LIN28A: variants seen among roughly 807,000 people sequenced by gnomAD.
LIN28A encodes lin-28 RNA binding posttranscriptional regulator A.
In LIN28A, 11 loss-of-function variants were observed where a neutral mutation model predicts 21.1. The observed-to-expected ratio is 0.52, with a 90% CI of 0.33 to 0.86. The LOEUF (loss-of-function observed/expected upper bound fraction) is 0.86, where lower values mean the gene tolerates loss of function less well. Ranked by LOEUF, LIN28A falls within the 40% of genes least tolerant of loss-of-function variation. The probability of loss-of-function intolerance (pLI) is 0.03; values close to 1 mark genes in which losing one functional copy is unlikely to be tolerated. For synonymous variants in LIN28A, 111 were observed against 108.7 expected (o/e 1.02, Z -0.13); for missense variants, 219 against 279.8 (o/e 0.78, Z 1.55).
intron 2 of LIN28A, among the ~76,000 whole-genome samples, chr1:26,417,718 G>A (rs1050167010): frequency 2.0e-5 from 3 of 152,160 alleles, no homozygotes; most frequent in African/African-American, 4.8e-5. Flanking sequence ...GTTACAACAC[G>A]TAAAGTGGTT....
intron 3 of LIN28A, 104 bp from the exon 4 acceptor site, chr1:26,426,138 G>GT (rs2075057901): frequency 2.3e-6 from 2 of 860,888 alleles, no homozygotes; most frequent in Non-Finnish European, 3.8e-6. Context: ...GGGAAGGGAA[G>GT]TAAGTGACAA....
At position 26,426,223 on chromosome 1, in the gene LIN28A, C is replaced by A. The variant is rs148906748; in HGVS notation, c.414-19C>A. ...TTCTTGCTCCTTTCTCTTACTTTTA[C>A]GATCTTGCTTTGTACTAGGTGCTAC... On this transcript the variant is annotated intron_variant, in intron 3 of 3. Transcript: ENST00000326279. 2 of 1,604,058 alleles carry A rather than the reference C, an allele frequency of 1.2e-6. No individual in the cohort carries two copies. Among genetic ancestry groups the A allele is most frequent in the Admixed American group, 3.3e-5 (2 of 59,964 alleles).
chr1:26,423,804 C>G, intron 2 of LIN28A, among the ~76,000 whole-genome samples: 1 of 151,852 alleles, frequency 6.6e-6, no homozygotes, highest in Admixed American at 6.6e-5. Context: ...GCTCTGTCAC[C>G]CAGGCTGGAG....
chr1:26,420,743 C>T (rs933807880), intron 2 of LIN28A, among the ~76,000 whole-genome samples: 1 of 152,152 alleles, frequency 6.6e-6, no homozygotes, highest in Non-Finnish European at 1.5e-5. Flanking sequence ...CTCATGTTCC[C>T]TTGAGCCAGG....
In LIN28A at chr1:26,411,899, T is replaced by C. The variant is rs903260731; in HGVS notation, c.228+317T>C. Among the ~76,000 whole-genome samples, 1 of 152,096 alleles carries C rather than the reference T, an allele frequency of 6.6e-6. No homozygotes were observed. The highest frequency in any genetic ancestry group is 2.4e-5 in the African/African-American group (1 of 41,430). ...TGTGGCAGAAACTAAGGTTGTATTGTGCTTGCCGGTGGGGGGAGGGCGAGC... is the reference window on the plus strand; with the variant it reads ...TGTGGCAGAAACTAAGGTTGTATTGCGCTTGCCGGTGGGGGGAGGGCGAGC... On this transcript the variant is annotated intron_variant, in intron 2 of 3. Transcript: ENST00000326279. This position sits in a 1 kb window ranked among gnomAD's most constrained non-coding sequence, Gnocchi z 5.4.
Position 26,411,341 on chromosome 1 carries a change from G to A in LIN28A, c.32-45G>A. On this transcript the variant is annotated intron_variant, in intron 1 of 3. Transcript: ENST00000326279. This position sits in a 1 kb window ranked among gnomAD's most constrained non-coding sequence, Gnocchi z 5.4. ...TGCCTGGGGCCCGAGACGGCCCTCC[G>A]ATTCCGTGCCCCCCAGCTAAGTGCC... 6.7e-7 allele frequency: 1 copy of A among 1,485,048 alleles called. No individual in the cohort carries two copies. Among genetic ancestry groups the A allele is most frequent in the East Asian group, 2.5e-5 (1 of 40,194 alleles). 92.0% of individuals were successfully genotyped at this position (1,485,048 alleles called of 1,614,324 possible).
chr1:26,419,179 G>A (rs1441903614), intron 2 of LIN28A, among the ~76,000 whole-genome samples: 2 of 151,948 alleles, frequency 1.3e-5, no homozygotes, highest in African/African-American at 2.4e-5. Flanking sequence ...GCCCTGGGAG[G>A]CTGGCTCTGT....
At chr1:26,414,294 G>T (rs1036243797) in intron 2 of LIN28A, among the ~76,000 whole-genome samples, 2 of 151,602 alleles carry the variant, frequency 1.3e-5, no homozygotes, top group African/African-American at 4.8e-5. Flanking sequence ...GGCACCCTGG[G>T]GTTGGGGTGG....
chr1:26,426,699 C>A lies in LIN28A; in HGVS notation c.*241C>A. 1 of 488,534 alleles carries A rather than the reference C, an allele frequency of 2.0e-6. No homozygotes were observed. Among genetic ancestry groups the A allele is most frequent in the Non-Finnish European group, 3.8e-6 (1 of 265,882 alleles). 30.3% of individuals were successfully genotyped at this position (488,534 alleles called of 1,614,324 possible). The stretch of plus-strand genomic sequence containing the variant: ...GGGGGCAACCAGGAGGGGGGAATCA[C>A]CCTACAACCTGCATACTTTGAGTCT... On this transcript the variant is annotated 3_prime_UTR_variant, in exon 4 of 4. Coordinates refer to ENST00000326279, the MANE Select transcript of LIN28A (RefSeq NM_024674.6).
chr1:26,416,545 A>G (rs1394663907), intron 2 of LIN28A, among the ~76,000 whole-genome samples: 1 of 152,162 alleles, frequency 6.6e-6, no homozygotes, highest in African/African-American at 2.4e-5. Context: ...CCACATAGTC[A>G]GAGTGGGAGG....
At position 26,411,053 on chromosome 1, in the gene LIN28A, G is replaced by A; in HGVS notation, c.31+131G>A. 1 of 1,205,294 alleles carries A rather than the reference G, an allele frequency of 8.3e-7. No homozygotes were observed. The highest frequency in any genetic ancestry group is 1.1e-6 in the Non-Finnish European group (1 of 874,474). The allele number at this position is 1,205,294 out of a possible 1,614,324, so 74.7% of individuals were successfully genotyped here. On this transcript the variant is annotated intron_variant, in intron 1 of 3. Coordinates refer to ENST00000326279, the MANE Select transcript of LIN28A (RefSeq NM_024674.6). This position sits in a 1 kb window ranked among gnomAD's most constrained non-coding sequence, Gnocchi z 5.4. ...AGACGGTGCGGCCTTCTGCTTCATA[G>A]GGCCGTCTCTGGGGCCAGGAACCTT...
intron 2 of LIN28A, among the ~76,000 whole-genome samples, chr1:26,412,680 G>A (rs2074968158): frequency 6.6e-6 from 1 of 152,096 alleles, no homozygotes. Context: ...TAGGAGGTGT[G>A]GGGGAGGGGA....
chr1:26,423,696 G>A (rs546342363), intron 2 of LIN28A, among the ~76,000 whole-genome samples: 1 of 152,138 alleles, frequency 6.6e-6, no homozygotes, highest in Non-Finnish European at 1.5e-5. Flanking sequence ...ACAGGCATGA[G>A]CCATTGCGCA....
intron 2 of LIN28A, among the ~76,000 whole-genome samples, chr1:26,412,553 G>A (rs1165418753): frequency 6.6e-6 from 1 of 152,128 alleles, no homozygotes; most frequent in Non-Finnish European, 1.5e-5. Context: ...GCTGCCTATG[G>A]CCCTTCCATC....
intron 3 of LIN28A, among the ~76,000 whole-genome samples, chr1:26,426,040 A>T (rs1221216117): frequency 6.6e-6 from 1 of 152,174 alleles, no homozygotes; most frequent in African/African-American, 2.4e-5. Context: ...CATGAATCTG[A>T]AGAGATCACC....
At position 26,426,525 on chromosome 1, in the gene LIN28A, G is replaced by A. The variant is rs970116417; in HGVS notation, c.*67G>A. 1.5e-5 allele frequency: 19 copies of A among 1,296,778 alleles called. No homozygotes were observed. The African/African-American group carries it at 1.9e-4, about 13-fold the overall frequency. The allele number at this position is 1,296,778 out of a possible 1,614,324, so 80.3% of individuals were successfully genotyped here. On this transcript the variant is annotated 3_prime_UTR_variant, in exon 4 of 4. Transcript: ENST00000326279. Reference sequence around the variant, plus strand: ...TTGAGGAGCAGGCAGAGTGGAGAAAGTGGGAATAGGGTGCATTGGGGCTAG... The same window carrying A: ...TTGAGGAGCAGGCAGAGTGGAGAAAATGGGAATAGGGTGCATTGGGGCTAG...
At position 26,411,998 on chromosome 1, in the gene LIN28A, A is replaced by AG. The variant is rs1314350924; in HGVS notation, c.228+418dup. ...CTCCAACGTCTGAATGGAGCTCAGAAGGCGGGAGAGAGTGAGGGCAACTGG... is the reference window on the plus strand; with the variant it reads ...CTCCAACGTCTGAATGGAGCTCAGAAGGGCGGGAGAGAGTGAGGGCAACTGG... On this transcript the variant is annotated intron_variant, in intron 2 of 3. Transcript: ENST00000326279. This position sits in a 1 kb window ranked among gnomAD's most constrained non-coding sequence, Gnocchi z 5.4. Among the ~76,000 whole-genome samples the AG allele has an allele frequency of 6.6e-6, 1 of 152,236 alleles. No homozygotes were observed. The highest frequency in any genetic ancestry group is 6.5e-5 in the Admixed American group (1 of 15,284).
intron 2 of LIN28A, among the ~76,000 whole-genome samples, chr1:26,423,421 T>TTC (rs1312137804): frequency 1.6e-5 from 2 of 125,576 alleles, no homozygotes; most frequent in Admixed American, 1.6e-4. Flanking sequence ...TTCTTTTTTT[T>TTC]TTTTTTTTTT....
intron 2 of LIN28A, among the ~76,000 whole-genome samples, chr1:26,415,358 C>T (rs964887102): frequency 5.3e-5 from 8 of 151,950 alleles, no homozygotes; most frequent in African/African-American, 7.3e-5. Flanking sequence ...GTTGCGGGGG[C>T]GGGTGGGGAA....
Sources: gnomAD v4.1 joint callset for allele counts (sites outside exome capture counted in the v4.1 genomes callset) on GRCh38, gnomAD v4.1.1 for gene constraint, Gnocchi (gnomAD v3.1) non-coding constraint, MANE v1.5 for transcripts, NCBI Gene and HGNC (gene_info 2026-07-23, HGNC 2026-07-21) for gene names.